RHOJ: variants seen among roughly 807,000 people sequenced by gnomAD.
RHOJ encodes the protein ras homolog family member J, also known as rho-related GTP-binding protein RhoJ.
A neutral mutation model predicts 23.4 loss-of-function variants in RHOJ; 11 were observed. The ratio of observed to expected loss-of-function variants is 0.47; its 90% CI spans 0.30 to 0.78. RHOJ has a LOEUF of 0.78. Ranked by LOEUF, RHOJ falls within the 30% of genes least tolerant of loss-of-function variation. The pLI is 0.08. For missense variants in RHOJ, 254 were observed against 273.4 expected (o/e 0.93, Z 0.50); for synonymous variants, 102 against 102.7 (o/e 0.99, Z 0.04).
chr14:63,254,885 G>A (rs1201295968), intron 1 of RHOJ, among the ~76,000 whole-genome samples: 1 of 152,084 alleles, frequency 6.6e-6, no homozygotes, highest in African/African-American at 2.4e-5. Context: ...CCATATAGAA[G>A]AAAGCACGTT....
intron 4 of RHOJ, among the ~76,000 whole-genome samples, chr14:63,285,127 G>A (rs1259041046): frequency 6.6e-6 from 1 of 152,180 alleles, no homozygotes; most frequent in Non-Finnish European, 1.5e-5. Context: ...CATTTATGGA[G>A]TGTTTATAAT....
intron 1 of RHOJ, among the ~76,000 whole-genome samples, chr14:63,265,769 C>T (rs982386697): frequency 2.0e-5 from 3 of 152,106 alleles, no homozygotes; most frequent in Non-Finnish European, 4.4e-5. Flanking sequence ...GTAAGGTGTA[C>T]GTTGGTTAGG....
At chr14:63,257,236 CAAAA>C (rs11463617) in intron 1 of RHOJ, among the ~76,000 whole-genome samples, 5 of 49,100 alleles carry the variant, frequency 1.0e-4, no homozygotes, top group South Asian at 6.7e-4. Flanking sequence ...AGACTGTCTC[CAAAA>C]AAAAAAAAAA....
intron 1 of RHOJ, among the ~76,000 whole-genome samples, chr14:63,255,963 G>A (rs926018683): frequency 2.6e-5 from 4 of 152,058 alleles, no homozygotes; most frequent in African/African-American, 9.7e-5. Context: ...CCAACTCCCG[G>A]GCTCAAGCAA....
intron 1 of RHOJ, among the ~76,000 whole-genome samples, chr14:63,238,502 T>C (rs1452520914): frequency 1.3e-5 from 2 of 152,208 alleles, no homozygotes; most frequent in Admixed American, 6.5e-5. Context: ...CTGCAACTTC[T>C]GCCTTCCAGG....
chr14:63,269,600 G>C (rs1387150218), intron 2 of RHOJ, among the ~76,000 whole-genome samples: 2 of 152,104 alleles, frequency 1.3e-5, no homozygotes, highest in African/African-American at 2.4e-5. Context: ...AAAAGAGATT[G>C]GTGGGGGTGA....
At chr14:63,278,431 ATTTTT>A (rs1268231283) in intron 2 of RHOJ, among the ~76,000 whole-genome samples, 2 of 151,854 alleles carry the variant, frequency 1.3e-5, no homozygotes, top group African/African-American at 4.8e-5. Flanking sequence ...CTTTTTTAAA[ATTTTT>A]TTTATTATAC....
At chr14:63,231,036 C>T (rs1292293124) in intron 1 of RHOJ, among the ~76,000 whole-genome samples, 1 of 151,726 alleles carries the variant, frequency 6.6e-6, no homozygotes, top group Non-Finnish European at 1.5e-5. Flanking sequence ...CTACAGGCGC[C>T]CACCACCATG....
rs141982908 is a variant in RHOJ, at chr14:63,256,706, G to A, written c.179-12404G>A. ...TGTAATCCTAACACTTTGGCAGGCC[G>A]AGGCAGGCAGATCACGAGGTCGGGA... On this transcript the variant is annotated intron_variant, in intron 1 of 4. Transcript: ENST00000316754. Among the ~76,000 whole-genome samples, 555 of 152,288 alleles carry A rather than the reference G, an allele frequency of 3.6e-3. 2 individuals are homozygous for A. The highest frequency in any genetic ancestry group is 9.4e-3 in the African/African-American group (392 of 41,564).
intron 1 of RHOJ, among the ~76,000 whole-genome samples, chr14:63,254,205 G>A (rs1459615233): frequency 6.6e-6 from 1 of 152,168 alleles, no homozygotes; most frequent in Admixed American, 6.5e-5. Context: ...GTGAGCCCAA[G>A]CCATGGGCTC....
intron 1 of RHOJ, among the ~76,000 whole-genome samples, chr14:63,235,311 GA>G (rs145689024): frequency 0.084 from 12,784 of 151,666 alleles, 776 homozygotes; most frequent in East Asian, 0.22. Context: ...ATTTTAAAAA[GA>G]AAAAAAGCTA....
chr14:63,274,353 G>A (rs1030962503), intron 2 of RHOJ, among the ~76,000 whole-genome samples: 7 of 152,130 alleles, frequency 4.6e-5, no homozygotes, highest in Non-Finnish European at 1.0e-4. Context: ...GGGAGATTAG[G>A]GAGAAGTTTG....
At position 63,230,841 on chromosome 14, in the gene RHOJ, C is replaced by CTTTTTT. The variant is rs57848893; in HGVS notation, c.178+25807_178+25812dup. On this transcript the variant is annotated intron_variant, in intron 1 of 4. Transcript: ENST00000316754. Reference sequence around the variant, plus strand: ...AATGGAAGTTTACAAGGGTACAAGGCTTTTTTTTTTTTTTTTTTAGATGGA... The same window carrying CTTTTTT: ...AATGGAAGTTTACAAGGGTACAAGGCTTTTTTTTTTTTTTTTTTTTTTTTAGATGGA... Among the ~76,000 whole-genome samples, 366 of 95,252 alleles carry CTTTTTT rather than the reference C, an allele frequency of 3.8e-3. 74 individuals carry two copies. The East Asian group carries it at 0.098, about 26-fold the overall frequency. The allele number at this position is 95,252 out of a possible 152,430, so 62.5% of individuals were successfully genotyped here. A position where few individuals can be genotyped will look rare whatever the true frequency, so the allele number is the denominator to read the frequency against.
chr14:63,221,064 C>G (rs1406381753), intron 1 of RHOJ, among the ~76,000 whole-genome samples: 1 of 152,274 alleles, frequency 6.6e-6, no homozygotes, highest in African/African-American at 2.4e-5. Flanking sequence ...CACAGTGGCT[C>G]ACACCTGTAA....
chr14:63,214,583 G>T (rs1488108690), intron 1 of RHOJ, among the ~76,000 whole-genome samples: 1 of 152,196 alleles, frequency 6.6e-6, no homozygotes, highest in Non-Finnish European at 1.5e-5. Flanking sequence ...GAAACAGAGT[G>T]TTCTCAAAAA....
intron 2 of RHOJ, among the ~76,000 whole-genome samples, chr14:63,277,784 A>T (rs1881776364): frequency 6.6e-6 from 1 of 152,156 alleles, no homozygotes; most frequent in Non-Finnish European, 1.5e-5. Flanking sequence ...ATAGCCTGGG[A>T]AGGAGACTTC....
intron 3 of RHOJ, among the ~76,000 whole-genome samples, chr14:63,281,676 T>C (rs1425686351): frequency 1.3e-5 from 2 of 152,204 alleles, no homozygotes; most frequent in African/African-American, 4.8e-5. Context: ...AAAACACATA[T>C]ACCAGCTAAA....
chr14:63,287,397 G>A (rs1333841320), intron 4 of RHOJ, among the ~76,000 whole-genome samples: 2 of 152,144 alleles, frequency 1.3e-5, no homozygotes, highest in African/African-American at 4.8e-5. Flanking sequence ...AATGAAATTA[G>A]CTCATGTACC....
At chr14:63,222,808 G>A (rs1894522878) in intron 1 of RHOJ, among the ~76,000 whole-genome samples, 1 of 152,174 alleles carries the variant, frequency 6.6e-6, no homozygotes, top group South Asian at 2.1e-4. Flanking sequence ...TTCTTTTGCT[G>A]TGCAGAAGCT....
Sources: gnomAD v4.1 joint callset for allele counts (sites outside exome capture counted in the v4.1 genomes callset) on GRCh38, gnomAD v4.1.1 for gene constraint, MANE v1.5 for transcripts, NCBI Gene and HGNC (gene_info 2026-07-23, HGNC 2026-07-21) for gene names.